PHLDB2: variants seen among roughly 807,000 people sequenced by gnomAD.
PHLDB2 encodes pleckstrin homology-like domain family B member 2.
In PHLDB2, 71 loss-of-function variants were observed where a neutral mutation model predicts 123.6. The ratio of observed to expected loss-of-function variants is 0.57; its 90% confidence interval spans 0.47 to 0.70. The LOEUF is 0.70. PHLDB2 is among the 30% of genes least tolerant of loss of function. The pLI is 0.00. For missense variants in PHLDB2, 1,446 were observed against 1,519.5 expected (o/e 0.95, Z 0.80); for synonymous variants, 547 against 541.6 (o/e 1.01, Z -0.14).
At chr3:111,772,045 A>G (rs1184912260) in intron 1 of PHLDB2, among the ~76,000 whole-genome samples, 1 of 126,820 alleles carries the variant, frequency 7.9e-6, no homozygotes, top group Non-Finnish European at 1.7e-5. Flanking sequence ...TGAATTTGGT[A>G]TAAAATACCT....
At chr3:111,941,477 G>A (rs72940231) in intron 8 of PHLDB2, among the ~76,000 whole-genome samples, 3,050 of 152,256 alleles carry the variant, frequency 0.02, 102 homozygotes, top group African/African-American at 0.068. Context: ...TAAAATAAAT[G>A]AGTATTCATT....
chr3:111,907,947 C>A (rs1472868539), intron 2 of PHLDB2, among the ~76,000 whole-genome samples: 1 of 152,160 alleles, frequency 6.6e-6, no homozygotes, highest in Non-Finnish European at 1.5e-5. Flanking sequence ...CAGGCATGAG[C>A]CACCACGCCC....
intron 5 of PHLDB2, among the ~76,000 whole-genome samples, chr3:111,929,728 C>G (rs1010522558): frequency 6.6e-6 from 1 of 152,098 alleles, no homozygotes; most frequent in Non-Finnish European, 1.5e-5. Flanking sequence ...TTCCTTTGCC[C>G]TAGCTTTGGC....
At chr3:111,855,629 C>CTTTTTTTTTTT (rs11368889), upstream of PHLDB2, among the ~76,000 whole-genome samples, 6 of 79,842 alleles carry the variant, frequency 7.5e-5, no homozygotes, top group African/African-American at 1.2e-4. Context: ...CTGCATTTGT[C>CTTTTTTTTTTT]TTTTTTTTTT....
intron 1 of PHLDB2, among the ~76,000 whole-genome samples, chr3:111,868,242 A>C (rs748284789): frequency 3.3e-5 from 5 of 151,810 alleles, no homozygotes; most frequent in Non-Finnish European, 7.4e-5. Flanking sequence ...CTGGTCTCAA[A>C]CTCCTAGGCT....
chr3:111,884,146 G>T lies in PHLDB2; in HGVS notation c.69G>T (p.Val23=), dbSNP rs752984059. Residue 23 remains valine (V), a synonymous_variant, in exon 2 of 18, where the codon GTG becomes GTT. Transcript: ENST00000431670. The part of the protein sequence containing the change: ...LQNGSLEEDS[V]VHSVENDSQN... Reference sequence around the variant, plus strand: ...ATGGTAGCTTAGAGGAAGACTCTGTGGTGCATTCTGTTGAGAACGATTCCC... The same window carrying T: ...ATGGTAGCTTAGAGGAAGACTCTGTTGTGCATTCTGTTGAGAACGATTCCC... The T allele has an allele frequency of 1.2e-6, 2 of 1,613,950 alleles. No individual in the cohort carries two copies. Among genetic ancestry groups the T allele is most frequent in the Non-Finnish European group, 1.7e-6 (2 of 1,179,960 alleles).
At chr3:111,815,052 T>C (rs1270397670) in intron 1 of PHLDB2, among the ~76,000 whole-genome samples, 1 of 152,216 alleles carries the variant, frequency 6.6e-6, no homozygotes. Flanking sequence ...GGAGTTTCTA[T>C]GCACAAGCTC....
intron 1 of PHLDB2, among the ~76,000 whole-genome samples, chr3:111,763,440 T>A (rs2060028021): frequency 6.6e-6 from 1 of 152,214 alleles, no homozygotes; most frequent in African/African-American, 2.4e-5. Context: ...TAAGTGGGAC[T>A]TGTCATCAAC....
In PHLDB2 at chr3:111,884,445, T is replaced by A. The variant is rs370797509; in HGVS notation, c.368T>A (p.Leu123His). Reference protein sequence around the residue: ...NTTSSLSGYPLGRADFDHYTG... With the variant: ...NTTSSLSGYPHGRADFDHYTG... ...ACATCCTCCCTCAGTGGATATCCAC[T>A]TGGAAGAGCAGACTTTGATCATTAT... is the stretch of plus-strand genomic sequence containing the variant. The change falls in exon 2 of 18, where the codon CTT becomes CAT. Residue 123 changes from leucine to histidine, a missense_variant. Transcript: ENST00000431670. 6.2e-7 allele frequency: 1 copy of A among 1,614,026 alleles called. No individual in the cohort carries two copies. The highest frequency in any genetic ancestry group is 1.3e-5 in the African/African-American group (1 of 74,918).
At chr3:111,930,365 A>C (rs1328230630) in intron 5 of PHLDB2, among the ~76,000 whole-genome samples, 1 of 151,638 alleles carries the variant, frequency 6.6e-6, no homozygotes, top group African/African-American at 2.4e-5. Flanking sequence ...GATAACTTTA[A>C]ATTTTAGGGC....
chr3:111,756,112 G>C (rs941727178), intron 1 of PHLDB2, among the ~76,000 whole-genome samples: 6 of 152,022 alleles, frequency 3.9e-5, no homozygotes, highest in Non-Finnish European at 8.8e-5. Context: ...GTGTGGTGCT[G>C]AAAAAAATGT....
intron 6 of PHLDB2, among the ~76,000 whole-genome samples, chr3:111,937,243 A>G (rs1157740193): frequency 6.6e-6 from 1 of 152,222 alleles, no homozygotes; most frequent in Non-Finnish European, 1.5e-5. Flanking sequence ...AGATAGAAAT[A>G]CATTTCATTT....
chr3:111,763,133 T>C lies in PHLDB2; in HGVS notation c.-49+30430T>C, dbSNP rs113959347. ...TGATCCTGCCTGAAAGTGAGTATGT[T>C]AGGAAACTGGACAATGCAAATCAAG... On this transcript the variant is annotated intron_variant, in intron 1 of 17. Coordinates refer to the PHLDB2 transcript ENST00000393923. Among the ~76,000 whole-genome samples, 844 of 152,310 alleles carry C rather than the reference T, an allele frequency of 5.5e-3. 3 individuals are homozygous for C. Among genetic ancestry groups the C allele is most frequent in the Middle Eastern group, 0.02 (6 of 294 alleles).
intron 1 of PHLDB2, among the ~76,000 whole-genome samples, chr3:111,865,488 G>A (rs1425578812): frequency 2.0e-5 from 3 of 152,126 alleles, no homozygotes; most frequent in Non-Finnish European, 2.9e-5. Context: ...GCACTCCTGT[G>A]TTATTTAACC....
Position 111,780,321 on chromosome 3 carries a change from G to GGAAGAAGAAGAAGAAGAA in PHLDB2, c.-49+47691_-49+47708dup, listed in dbSNP as rs776116547. Among the ~76,000 whole-genome samples the GGAAGAAGAAGAAGAAGAA allele has an allele frequency of 1.1e-3, 4 of 3,682 alleles. 1 individual carries two copies. Among genetic ancestry groups the GGAAGAAGAAGAAGAAGAA allele is most frequent in the African/African-American group, 2.1e-3 (4 of 1,938 alleles). 2.4% of individuals were successfully genotyped at this position (3,682 alleles called of 152,430 possible). A position where few individuals can be genotyped will look rare whatever the true frequency, so the allele number is the denominator to read the frequency against. On this transcript the variant is annotated intron_variant, in intron 1 of 17. Transcript: ENST00000393923. ...AGGAAGAGGAAGAGGAAGAGGAAGA[G>GGAAGAAGAAGAAGAAGAA]GAAGAAGAAGAAGAAGAAGAAGAAG...
intron 5 of PHLDB2, among the ~76,000 whole-genome samples, chr3:111,924,270 A>C (rs1164199618): frequency 6.6e-6 from 1 of 152,140 alleles, no homozygotes; most frequent in Non-Finnish European, 1.5e-5. Context: ...ACATTTTATA[A>C]TTTATGTTTG....
At position 111,919,232 on chromosome 3, in the gene PHLDB2, C is replaced by T; in HGVS notation, c.1863+17C>T. On this transcript the variant is annotated intron_variant, in intron 4 of 17. Coordinates refer to ENST00000431670, the MANE Select transcript of PHLDB2 (RefSeq NM_001134438.2). Reference sequence around the variant, plus strand: ...TTCAGAGAGGTAAACTTTTTACCCTCTTCCCTTTTTTCTTTCTTTCCTTCA... The same window carrying T: ...TTCAGAGAGGTAAACTTTTTACCCTTTTCCCTTTTTTCTTTCTTTCCTTCA... The T allele has an allele frequency of 1.2e-6, 2 of 1,612,334 alleles. No individual in the cohort carries two copies. Among genetic ancestry groups the T allele is most frequent in the Non-Finnish European group, 1.7e-6 (2 of 1,178,688 alleles).
chr3:111,881,080 G>T (rs1283009), intron 1 of PHLDB2, among the ~76,000 whole-genome samples: 1 of 152,120 alleles, frequency 6.6e-6, no homozygotes, highest in Non-Finnish European at 1.5e-5. Context: ...CTTAAAATGT[G>T]CATTTTCACT....
At chr3:111,942,230 G>A (rs973857585) in intron 8 of PHLDB2, among the ~76,000 whole-genome samples, 1 of 152,098 alleles carries the variant, frequency 6.6e-6, no homozygotes, top group Non-Finnish European at 1.5e-5. Flanking sequence ...AAAAATTGTG[G>A]TCTATAAGTA....
Sources: allele counts gnomAD v4.1 joint callset (sites outside exome capture counted in the v4.1 genomes callset), GRCh38; gene constraint gnomAD v4.1.1; transcripts MANE v1.5; gene names NCBI Gene and HGNC (gene_info 2026-07-23, HGNC 2026-07-21).